The following PLAT variants were observed in gnomAD, a reference collection of about 807,000 sequenced individuals.
PLAT encodes the protein plasminogen activator, tissue type, also known as tissue-type plasminogen activator.
A neutral mutation model predicts 74.9 loss-of-function variants in PLAT; 48 were observed. That is an observed-to-expected ratio of 0.64 (90% CI 0.51 to 0.82). The LOEUF is 0.82. Among genes scored for constraint, PLAT ranks in the 40% least tolerant of loss-of-function variants. PLAT has a pLI of 0.00. For missense variants in PLAT, 673 were observed against 736.2 expected (o/e 0.91, Z 0.99); for synonymous variants, 307 against 294.4 (o/e 1.04, Z -0.44).
chr8:42,196,646 G>A (rs1805919897), intron 1 of PLAT, among the ~76,000 whole-genome samples: 1 of 152,180 alleles, frequency 6.6e-6, no homozygotes, highest in African/African-American at 2.4e-5. Context: ...CGGGACCGCA[G>A]GGCGTGGCTG....
chr8:42,191,968 C>G (rs921884896), intron 2 of PLAT, among the ~76,000 whole-genome samples: 3 of 150,004 alleles, frequency 2.0e-5, no homozygotes, highest in South Asian at 2.1e-4. Flanking sequence ...CAGTTTGCCT[C>G]TGCTGTGGCT....
intron 1 of PLAT, among the ~76,000 whole-genome samples, chr8:42,194,241 A>AGTGTGTGTGTGT (rs36208802): frequency 1.7e-4 from 9 of 52,576 alleles, no homozygotes; most frequent in Non-Finnish European, 2.7e-4. Flanking sequence ...AGAGAGAGAG[A>AGTGTGTGTGTGT]GTGTGTGTGT....
At chr8:42,190,994 C>A (rs1371324689) in intron 3 of PLAT, among the ~76,000 whole-genome samples, 1 of 152,220 alleles carries the variant, frequency 6.6e-6, no homozygotes, top group Non-Finnish European at 1.5e-5. Context: ...ACTGCCCTGG[C>A]CGTGCTGCTG....
intron 2 of PLAT, 106 bp from the exon 3 acceptor site, chr8:42,191,520 T>TAGAG (rs1805686958): frequency 1.1e-6 from 1 of 943,562 alleles, no homozygotes; most frequent in Admixed American, 1.8e-5. Context: ...CAGATACCTC[T>TAGAG]GCTCAGAGAC....
chr8:42,187,289 C>G, intron 6 of PLAT, 109 bp downstream of exon 6: 1 of 852,680 alleles, frequency 1.2e-6, no homozygotes, highest in Admixed American at 2.8e-5. Context: ...ATCTATCCAT[C>G]CTGTATTGGT....
intron 4 of PLAT, 60 bp downstream of exon 4, chr8:42,188,874 C>G: frequency 1.3e-6 from 2 of 1,494,100 alleles, no homozygotes; most frequent in Non-Finnish European, 1.9e-6. Flanking sequence ...ACCCTCCCAC[C>G]TTGGCCTCCT....
intron 1 of PLAT, among the ~76,000 whole-genome samples, chr8:42,199,119 C>T (rs961120115): frequency 2.0e-5 from 3 of 152,202 alleles, no homozygotes; most frequent in Non-Finnish European, 2.9e-5. Flanking sequence ...GTACAGAGGC[C>T]ATGATCTCAG....
intron 6 of PLAT, chr8:42,186,273 A>G (rs367894202): frequency 6.6e-6 from 1 of 151,918 alleles, no homozygotes; most frequent in African/African-American, 2.4e-5. Context: ...TTATCTTCCC[A>G]GGTGCAGGAC....
At chr8:42,187,678 G>T in intron 5 of PLAT, 106 bp from the exon 6 acceptor site, 1 of 1,147,770 alleles carries the variant, frequency 8.7e-7, no homozygotes, top group Non-Finnish European at 1.2e-6. Context: ...GATGCAGGCT[G>T]GCTCGGAAGC....
chr8:42,187,940 G>A lies in PLAT; in HGVS notation c.330C>T (p.Cys110=), dbSNP rs769801532. The change falls in exon 5 of 14, where the codon TGC becomes TGT. Residue 110 remains cysteine, a synonymous_variant. Coordinates refer to ENST00000220809, the MANE Select transcript of PLAT (RefSeq NM_000930.5). ...AGCACTTCCCAGCAAATCCTTCGGG[G>A]CACTGGCACACGAAATCTGAGAAGT... is the stretch of plus-strand genomic sequence containing the variant. ...ALYFSDFVCQ[C]PEGFAGKCCE... 6.2e-7 allele frequency: 1 copy of A among 1,612,982 alleles called. No homozygotes were observed. Among genetic ancestry groups the A allele is most frequent in the Non-Finnish European group, 8.5e-7 (1 of 1,178,970 alleles).
intron 13 of PLAT, 50 bp from the exon 14 acceptor site, chr8:42,176,201 G>A (rs1182201654): frequency 1.4e-6 from 2 of 1,480,328 alleles, no homozygotes; most frequent in East Asian, 2.4e-5. Context: ...CAGACTATCT[G>A]GAGAAAGTCA....
At chr8:42,194,053 T>TTTTTTTC (rs1805800828) in intron 1 of PLAT, among the ~76,000 whole-genome samples, 1 of 124,204 alleles carries the variant, frequency 8.1e-6, no homozygotes, top group Admixed American at 8.0e-5. Context: ...CTTCTTTCTT[T>TTTTTTTC]TTTTTTTTTT....
intron 1 of PLAT, among the ~76,000 whole-genome samples, chr8:42,198,142 G>A (rs1264804704): frequency 6.6e-6 from 1 of 152,204 alleles, no homozygotes; most frequent in Non-Finnish European, 1.5e-5. Flanking sequence ...AGATCAGCCT[G>A]GGCAACACAG....
At chr8:42,205,045 C>G (rs910483665) in intron 1 of PLAT, among the ~76,000 whole-genome samples, 1 of 152,172 alleles carries the variant, frequency 6.6e-6, no homozygotes, top group Non-Finnish European at 1.5e-5. Context: ...CTACATACCT[C>G]TCTCACAATT....
chr8:42,197,680 G>A (rs1227812359), intron 1 of PLAT, among the ~76,000 whole-genome samples: 2 of 152,200 alleles, frequency 1.3e-5, no homozygotes, highest in Admixed American at 1.3e-4. Context: ...GGGAAAGTCA[G>A]TGGGGTGCTG....
At position 42,175,946 on chromosome 8, in the gene PLAT, A is replaced by G. The variant is rs1804951612; in HGVS notation, c.*47T>C. ...GCGCCTTTGCAGTGTCTTCTGAAGA[A>G]GAAGAGGCGGGATCTCATTTGCTTT... On this transcript the variant is annotated 3_prime_UTR_variant, in exon 14 of 14. Transcript: ENST00000220809. 1 of 1,600,354 alleles carries G rather than the reference A, an allele frequency of 6.2e-7. No individual in the cohort carries two copies. The highest frequency in any genetic ancestry group is 8.6e-7 in the Non-Finnish European group (1 of 1,169,424).
At chr8:42,189,305 C>T (rs1433097964) in intron 3 of PLAT, among the ~76,000 whole-genome samples, 9 of 151,902 alleles carry the variant, frequency 5.9e-5, no homozygotes, top group African/African-American at 2.2e-4. Flanking sequence ...ATCACTTGAG[C>T]TCAGGAGTTC....
chr8:42,180,570 C>A lies in PLAT; in HGVS notation c.1005G>T (p.Ser335=), dbSNP rs1805198554. Residue 335 remains serine (S), a synonymous_variant, in exon 10 of 14, where the codon TCG becomes TCT. Transcript: ENST00000220809. The part of the protein sequence containing the change: ...QAAIFAKHRR[S]PGERFLCGGI... ...CCCCGCACAGGAACCGCTCTCCGGG[C>A]GACCTCCTGTGCTTGGCAAAGATGG... 1.2e-6 allele frequency: 2 copies of A among 1,613,928 alleles called. No homozygotes were observed. Among genetic ancestry groups the A allele is most frequent in the Non-Finnish European group, 1.7e-6 (2 of 1,179,970 alleles).
intron 2 of PLAT, among the ~76,000 whole-genome samples, 193 bp downstream of exon 2, chr8:42,192,921 C>A (rs916282758): frequency 1.3e-5 from 2 of 152,226 alleles, no homozygotes; most frequent in African/African-American, 4.8e-5. Flanking sequence ...ACACTGGGCC[C>A]CCAAATACAG....
Sources: allele counts gnomAD v4.1 joint callset (sites outside exome capture counted in the v4.1 genomes callset), GRCh38; gene constraint gnomAD v4.1.1; transcripts MANE v1.5; gene names NCBI Gene and HGNC (gene_info 2026-07-23, HGNC 2026-07-21).